SRFBP1: variants seen among roughly 807,000 people sequenced by gnomAD.
SRFBP1 encodes the protein serum response factor-binding protein 1.
A neutral mutation model predicts 45.5 loss-of-function variants in SRFBP1; 47 were observed. That is an observed-to-expected ratio of 1.03 (90% CI 0.82 to 1.32). The LOEUF (loss-of-function observed/expected upper bound fraction) is 1.32, where lower values mean the gene tolerates loss of function less well. Among genes scored for constraint, SRFBP1 ranks in the 40% most tolerant of loss-of-function variants. SRFBP1 has a pLI of 0.00. For missense variants in SRFBP1, 621 were observed against 484.6 expected (o/e 1.28, Z -2.64); for synonymous variants, 203 against 166.3 (o/e 1.22, Z -1.70).
chr5:122,015,764 A>G (rs868592543), intron 4 of SRFBP1, among the ~76,000 whole-genome samples: 6 of 151,882 alleles, frequency 4.0e-5, no homozygotes, highest in East Asian at 1.9e-4. Context: ...TCCTGCTTCA[A>G]TTGCAGTTAG....
chr5:122,031,799 G>C (rs1477344951), downstream of SRFBP1, among the ~76,000 whole-genome samples: 1 of 152,194 alleles, frequency 6.6e-6, no homozygotes, highest in African/African-American at 2.4e-5. Flanking sequence ...CTGGATTCAG[G>C]CATAAAAAGG....
intron 2 of SRFBP1, among the ~76,000 whole-genome samples, chr5:122,055,592 A>G (rs1330134971): frequency 1.3e-5 from 2 of 152,140 alleles, no homozygotes; most frequent in Admixed American, 1.3e-4. Flanking sequence ...TTCCAGTAAA[A>G]CCAATAAAAG....
At chr5:122,044,806 G>A (rs1410490506) in intron 2 of SRFBP1, among the ~76,000 whole-genome samples, 2 of 151,928 alleles carry the variant, frequency 1.3e-5, no homozygotes, top group Non-Finnish European at 2.9e-5. Flanking sequence ...CATTCCATAG[G>A]TTTTCTCTTT....
intron 3 of SRFBP1, among the ~76,000 whole-genome samples, chr5:121,983,763 GAC>G (rs1244250444): frequency 6.6e-6 from 1 of 151,724 alleles, no homozygotes; most frequent in Non-Finnish European, 1.5e-5. Context: ...ACTAAAGTGA[GAC>G]AGTACTATTT....
intron 3 of SRFBP1, 48 bp downstream of exon 3, chr5:121,975,435 G>A (rs1361317750): frequency 6.3e-7 from 1 of 1,599,444 alleles, no homozygotes; most frequent in South Asian, 1.1e-5. Flanking sequence ...TGAGTATCCT[G>A]TTATCCTGCA....
chr5:122,063,351 T>C (rs779143022), intron 2 of SRFBP1: 35 of 151,908 alleles, frequency 2.3e-4, no homozygotes, highest in Admixed American at 5.3e-4. Context: ...GTCTTACAAA[T>C]AACATTCCTG....
rs1754345943 is a variant in SRFBP1, at chr5:122,068,051, T to C, written n.312-7264T>C. Among the ~76,000 whole-genome samples the C allele has an allele frequency of 3.3e-5, 5 of 152,008 alleles. No individual in the cohort carries two copies. The South Asian group carries it at 1.0e-3, about 32-fold the overall frequency. ...CCCCAATATTTCCACTCAGAATAAG[T>C]ATGACATTTTATTATGATCACTAAT... On this transcript the variant is annotated intron_variant and non_coding_transcript_variant, in intron 2 of 2. Coordinates refer to the SRFBP1 transcript ENST00000504881.
At chr5:122,019,465 A>G (rs1430418805) in intron 5 of SRFBP1, 124 bp downstream of exon 5, 1 of 762,996 alleles carries the variant, frequency 1.3e-6, no homozygotes, top group Non-Finnish European at 2.0e-6. Context: ...AATATTTACC[A>G]GTGTGGAAGG....
At chr5:121,971,134 C>T (rs144988224) in intron 1 of SRFBP1, among the ~76,000 whole-genome samples, 46 of 151,892 alleles carry the variant, frequency 3.0e-4, no homozygotes, top group African/African-American at 1.0e-3. Flanking sequence ...AATTGGACAC[C>T]GTTAAAGAGA....
At chr5:121,983,130 C>A (rs982917180) in intron 3 of SRFBP1, among the ~76,000 whole-genome samples, 1 of 150,910 alleles carries the variant, frequency 6.6e-6, no homozygotes, top group Non-Finnish European at 1.5e-5. Flanking sequence ...ACTGGTCTTA[C>A]AAAATGTGAT....
At chr5:122,073,901 T>A (rs944868521) in intron 2 of SRFBP1, 2 of 1,004,408 alleles carry the variant, frequency 2.0e-6, no homozygotes, top group East Asian at 4.8e-5. Context: ...CTCTGTATCC[T>A]TTTGATAAAA....
chr5:122,046,270 C>A (rs902062612), intron 2 of SRFBP1, among the ~76,000 whole-genome samples: 1 of 151,798 alleles, frequency 6.6e-6, no homozygotes, highest in Non-Finnish European at 1.5e-5. Context: ...TTGTTCAATT[C>A]CCACCTATGA....
intron 2 of SRFBP1, among the ~76,000 whole-genome samples, chr5:122,035,870 G>C (rs563340823): frequency 6.6e-6 from 1 of 152,254 alleles, no homozygotes; most frequent in African/African-American, 2.4e-5. Flanking sequence ...CCTTTTACCT[G>C]GGTCATTTTT....
intron 2 of SRFBP1, among the ~76,000 whole-genome samples, chr5:122,043,162 G>T (rs80032249): frequency 0.038 from 5,705 of 152,036 alleles, 306 homozygotes; most frequent in African/African-American, 0.11. Context: ...AGGGTCATGA[G>T]ACTTATTTCC....
intron 7 of SRFBP1, among the ~76,000 whole-genome samples, chr5:122,022,735 G>A (rs1317775463): frequency 1.3e-5 from 2 of 152,154 alleles, no homozygotes; most frequent in South Asian, 2.1e-4. Flanking sequence ...ATGCCATGCC[G>A]TTAAACATTG....
rs1753286308 is a variant in SRFBP1 at position 122,020,434 on chromosome 5, C to G, written c.699C>G (p.Thr233=). The change falls in exon 6 of 8, where the codon ACC becomes ACG. Residue 233 remains threonine, a synonymous_variant. Coordinates refer to ENST00000339397, the MANE Select transcript of SRFBP1 (RefSeq NM_152546.3). ...CAAAACTGAAAACTCTAAGTCAAAC[C>G]AAAAAAAACAAAGGATCTGATAGCT... The part of the protein sequence containing the change: ...ADPKLKTLSQ[T]KKNKGSDSSL... The G allele has an allele frequency of 1.9e-6, 3 of 1,612,888 alleles. No homozygotes were observed. Among genetic ancestry groups the G allele is most frequent in the African/African-American group, 2.7e-5 (2 of 74,620 alleles).
At chr5:121,969,678 A>G (rs1752148196) in intron 1 of SRFBP1, among the ~76,000 whole-genome samples, 1 of 152,014 alleles carries the variant, frequency 6.6e-6, no homozygotes, top group African/African-American at 2.4e-5. Flanking sequence ...TTCGCTGGGT[A>G]TGTAAGTCTT....
downstream of SRFBP1, among the ~76,000 whole-genome samples, chr5:122,029,679 T>C (rs1753559441): frequency 6.6e-6 from 1 of 152,206 alleles, no homozygotes; most frequent in African/African-American, 2.4e-5. Flanking sequence ...AGTGAGCTGG[T>C]ATACTTGTAG....
At position 122,020,733 on chromosome 5, in the gene SRFBP1, C is replaced by G; in HGVS notation, c.998C>G (p.Pro333Arg). 6.2e-7 allele frequency: 1 copy of G among 1,608,696 alleles called. No individual in the cohort carries two copies. The highest frequency in any genetic ancestry group is 2.2e-5 in the East Asian group (1 of 44,818). The change falls in exon 6 of 8, where the codon CCA becomes CGA. Residue 333 changes from proline to arginine, a missense_variant. Transcript: ENST00000339397. ...GATACAAGAAATGACAAAATCAAGC[C>G]AAGTACAGAAACCAGAAAGTTAGAA... ...HGDTRNDKIK[P>R]STETRKLESV...
Sources: allele counts gnomAD v4.1 joint callset (sites outside exome capture counted in the v4.1 genomes callset), GRCh38; gene constraint gnomAD v4.1.1; transcripts MANE v1.5; gene names NCBI Gene and HGNC (gene_info 2026-07-23, HGNC 2026-07-21).